Variants in REDIC1 observed in about 807,000 individuals in gnomAD.
REDIC1 encodes the protein HEI10 Interacting Protein 1.
the REDIC1 span, among the ~76,000 whole-genome samples, chr12:39,817,481 A>G: frequency 2.0e-5 from 3 of 149,470 alleles, no homozygotes; most frequent in African/African-American, 7.3e-5. Flanking sequence ...TATTTAGTGC[A>G]GAGAGATTTT....
chr12:39,761,592 T>TA, the REDIC1 span, among the ~76,000 whole-genome samples: 1 of 149,190 alleles, frequency 6.7e-6, no homozygotes, highest in Admixed American at 6.8e-5. Context: ...AAAAGGGTGA[T>TA]ACTGATAAGC....
the REDIC1 span, chr12:39,760,218 C>T: frequency 6.2e-7 from 1 of 1,612,468 alleles, no homozygotes; most frequent in Non-Finnish European, 8.5e-7. Flanking sequence ...AAAGGAGTCC[C>T]ACAGCAGCAA....
chr12:39,653,536 C>CTTCTTCTTCTTCTTCTTCT, the REDIC1 span, among the ~76,000 whole-genome samples: 1 of 55,384 alleles, frequency 1.8e-5, no homozygotes, highest in Admixed American at 1.9e-4. Flanking sequence ...TCTTCTTCTT[C>CTTCTTCTTCTTCTTCTTCT]TTTTTCTTCT....
the REDIC1 span, chr12:39,683,176 CT>C: frequency 2.0e-3 from 3,036 of 1,515,706 alleles, 6 homozygotes; most frequent in Non-Finnish European, 2.5e-3. Context: ...ATTACATATT[CT>C]TTTTTTCTTT....
chr12:39,650,175 ATAATT>A, the REDIC1 span: 2 of 1,346,642 alleles, frequency 1.5e-6, no homozygotes, highest in South Asian at 4.0e-5. The surrounding 1 kb of genome is among the most constrained non-coding windows in gnomAD (Gnocchi z 4.3). Context: ...TTTATGGTAA[ATAATT>A]TAAATTGTAT....
chr12:39,714,191 G>GCA, the REDIC1 span, among the ~76,000 whole-genome samples: 49 of 12,410 alleles, frequency 3.9e-3, 4 homozygotes, highest in African/African-American at 7.5e-3. Flanking sequence ...ATGCATATAT[G>GCA]TATATATGTA....
the REDIC1 span, among the ~76,000 whole-genome samples, chr12:39,792,566 T>C: frequency 6.6e-6 from 1 of 152,170 alleles, no homozygotes; most frequent in Admixed American, 6.5e-5. Flanking sequence ...ATACTAAGCC[T>C]CTGCCAGGTG....
chr12:39,875,230 C>G, the REDIC1 span, among the ~76,000 whole-genome samples: 5 of 152,146 alleles, frequency 3.3e-5, no homozygotes, highest in Non-Finnish European at 4.4e-5. Context: ...CCTGGAAGCT[C>G]CAGGGAAAAA....
At chr12:39,880,579 T>C in the REDIC1 span, among the ~76,000 whole-genome samples, 1 of 152,196 alleles carries the variant, frequency 6.6e-6, no homozygotes, top group East Asian at 1.9e-4. Flanking sequence ...CTGCAGAAAG[T>C]TTACTTATTA....
chr12:39,809,273 T>C, the REDIC1 span, among the ~76,000 whole-genome samples: 3 of 152,228 alleles, frequency 2.0e-5, no homozygotes, highest in East Asian at 1.9e-4. Context: ...TTGATGTTTA[T>C]GTCTATTTTA....
chr12:39,650,126 A>G, the REDIC1 span: 3 of 1,140,572 alleles, frequency 2.6e-6, no homozygotes, highest in Non-Finnish European at 3.4e-6. This position sits in a 1 kb window ranked among gnomAD's most constrained non-coding sequence, Gnocchi z 4.3. Flanking sequence ...GACTATTTTT[A>G]CAATTTTAAA....
the REDIC1 span, among the ~76,000 whole-genome samples, chr12:39,698,398 T>C: frequency 7.9e-5 from 8 of 101,494 alleles, no homozygotes; most frequent in Non-Finnish European, 1.8e-4. Flanking sequence ...ACGATAATAG[T>C]TGGAGACTTC....
chr12:39,712,287 TGTATGTATATATAC>T, the REDIC1 span, among the ~76,000 whole-genome samples: 2 of 125,184 alleles, frequency 1.6e-5, no homozygotes, highest in African/African-American at 5.7e-5. Context: ...TATATATACC[TGTATGTATATATAC>T]ATACATATAT....
the REDIC1 span, among the ~76,000 whole-genome samples, chr12:39,783,367 A>G: frequency 6.6e-6 from 1 of 152,198 alleles, no homozygotes; most frequent in East Asian, 1.9e-4. Context: ...ATGATTTATA[A>G]TTCTTTGGGT....
chr12:39,762,639 T>TAAC, the REDIC1 span, among the ~76,000 whole-genome samples: 1 of 151,990 alleles, frequency 6.6e-6, no homozygotes, highest in African/African-American at 2.4e-5. Context: ...AAAGAAGACA[T>TAAC]AACTATTTCC....
chr12:39,879,019 A>G, the REDIC1 span, among the ~76,000 whole-genome samples: 3 of 152,258 alleles, frequency 2.0e-5, no homozygotes, highest in Admixed American at 6.5e-5. Flanking sequence ...CTGTGACTCA[A>G]AGGGGCCTGC....
the REDIC1 span, among the ~76,000 whole-genome samples, chr12:39,806,048 G>A: frequency 6.6e-6 from 1 of 152,180 alleles, no homozygotes; most frequent in Admixed American, 6.6e-5. Context: ...AAAGCTTACA[G>A]TGACAGCAAT....
At chr12:39,638,568 A>G in the REDIC1 span, among the ~76,000 whole-genome samples, 1 of 152,036 alleles carries the variant, frequency 6.6e-6, no homozygotes, top group Non-Finnish European at 1.5e-5. Flanking sequence ...TCTATTGCTT[A>G]TAAGAATTCT....
the REDIC1 span, among the ~76,000 whole-genome samples, chr12:39,879,566 A>C: frequency 0.037 from 5,640 of 152,294 alleles, 170 homozygotes; most frequent in South Asian, 0.085. Context: ...GCTGGGTTTC[A>C]AACTTGCATG....
Sources: allele counts gnomAD v4.1 joint callset (sites outside exome capture counted in the v4.1 genomes callset), GRCh38; gene constraint gnomAD v4.1.1; non-coding constraint Gnocchi (gnomAD v3.1); transcripts MANE v1.5; gene names NCBI Gene and HGNC (gene_info 2026-07-23, HGNC 2026-07-21).